Variants in C1orf146 observed in about 807,000 individuals in gnomAD.
The protein encoded by C1orf146 is protein SPO16 homolog.
Under a neutral mutation model 23.0 loss-of-function variants are expected in C1orf146, and 22 were observed. The ratio of observed to expected loss-of-function variants is 0.96; its 90% confidence interval spans 0.68 to 1.36. C1orf146 has a LOEUF of 1.36. Ranked by LOEUF, C1orf146 falls within the 40% of genes most tolerant of loss-of-function variation. The pLI is 0.00. For synonymous variants in C1orf146, 59 were observed against 65.3 expected, an observed-to-expected ratio of 0.90 and a Z score of 0.47; for missense variants, 199 against 206.8, an observed-to-expected ratio of 0.96 and a Z score of 0.23.
chr1:92,244,143 G>T, intron 3 of C1orf146, 74 bp from the exon 4 acceptor site: 1 of 1,034,396 alleles, frequency 9.7e-7, no homozygotes, highest in South Asian at 1.4e-5. Context: ...AGTTATTTTG[G>T]TTGATTTTGA....
At chr1:92,229,502 A>T (rs1379656800) in intron 1 of C1orf146, 1 of 439,070 alleles carries the variant, frequency 2.3e-6, no homozygotes, top group African/African-American at 2.1e-5. Flanking sequence ...CCTTGTCCCC[A>T]TTCTGGACCT....
chr1:92,245,658 CAGTTAACCCAAATT>C lies in C1orf146; in HGVS notation c.530_543del (p.Val177GlufsTer15). ...CAGAAGATAAAACTGAATAGTGATT[CAGTTAACCCAAATT>C]AGAGTACCAACTTAATGTTTTTCTC... On this transcript the variant is annotated frameshift_variant and stop_lost, in exon 6 of 6. Coordinates refer to ENST00000370375, the MANE Select transcript of C1orf146 (RefSeq NM_001012425.2). LOFTEE classifies it high-confidence loss of function. 6.3e-7 allele frequency: 1 copy of C among 1,578,058 alleles called. No homozygotes were observed. Among genetic ancestry groups the C allele is most frequent in the Non-Finnish European group, 8.6e-7 (1 of 1,167,530 alleles).
intron 3 of C1orf146, among the ~76,000 whole-genome samples, chr1:92,242,584 A>C (rs1570799052): frequency 6.6e-6 from 1 of 152,362 alleles, no homozygotes; most frequent in East Asian, 1.9e-4. Flanking sequence ...CACTTTCCCA[A>C]CAATCTATAC....
chr1:92,238,729 C>T lies in C1orf146; in HGVS notation c.67-3483C>T, dbSNP rs182222428. Among the ~76,000 whole-genome samples the T allele has an allele frequency of 1.6e-4, 24 of 152,140 alleles. 1 individual carries two copies. The highest frequency in any genetic ancestry group is 2.9e-5 in the Non-Finnish European group (2 of 67,998). On this transcript the variant is annotated intron_variant, in intron 2 of 5. Transcript: ENST00000370375. ...TGCTCATGATCTGCCTGCAGTTATT[C>T]CTAACATTGTACCCAAATTAGCTGA...
intron 1 of C1orf146, among the ~76,000 whole-genome samples, chr1:92,225,524 A>G (rs1267780378): frequency 6.6e-6 from 1 of 152,156 alleles, no homozygotes; most frequent in African/African-American, 2.4e-5. Context: ...AACATCCATT[A>G]TGATTTATTC....
At chr1:92,243,142 C>T (rs1182367078) in intron 3 of C1orf146, among the ~76,000 whole-genome samples, 3 of 152,120 alleles carry the variant, frequency 2.0e-5, no homozygotes, top group Non-Finnish European at 4.4e-5. Context: ...TCCCATGTTA[C>T]AGAAGAGGAA....
intron 1 of C1orf146, among the ~76,000 whole-genome samples, chr1:92,226,331 A>G (rs1651966934): frequency 6.6e-6 from 1 of 152,086 alleles, no homozygotes; most frequent in African/African-American, 2.4e-5. Context: ...TTCTGGAAAA[A>G]TAGAGAAACT....
rs1652115350 is a variant in C1orf146 at position 92,231,364 on chromosome 1, T to G, written c.-39-18T>G. 18 of 1,183,204 alleles carry G rather than the reference T, an allele frequency of 1.5e-5. No homozygotes were observed. The highest frequency in any genetic ancestry group is 2.0e-4 in the Middle Eastern group (1 of 5,054). The allele number at this position is 1,183,204 out of a possible 1,614,324, so 73.3% of individuals were successfully genotyped here. On this transcript the variant is annotated intron_variant, in intron 1 of 5. Transcript: ENST00000370375. ...ATCAGATATTTCTTTGCATTCTTTG[T>G]GTTCTTAATTTTCTCAGATTGTTGC...
intron 2 of C1orf146, among the ~76,000 whole-genome samples, chr1:92,238,149 G>A (rs557206730): frequency 7.9e-5 from 12 of 152,112 alleles, no homozygotes; most frequent in Admixed American, 3.3e-4. Context: ...GGCTGGTCTC[G>A]AACTCCGATC....
intron 1 of C1orf146, among the ~76,000 whole-genome samples, chr1:92,219,847 A>G (rs1375170636): frequency 6.6e-6 from 1 of 152,120 alleles, no homozygotes. Flanking sequence ...AGGTTGGAGT[A>G]TATATACATA....
rs1378165833 is a variant in C1orf146, at chr1:92,244,302, C to T, written c.246C>T (p.Asn82=). Residue 82 remains asparagine, a synonymous_variant, in exon 4 of 6, where the codon AAC becomes AAT. Coordinates refer to ENST00000370375, the MANE Select transcript of C1orf146 (RefSeq NM_001012425.2). ...IFLAKIEKFI[N]IHQNSFLVLS... ...TAGCCAAAATTGAGAAATTTATTAA[C>T]ATTCACCAAAATAGTTTTTTGGTTT... 1.2e-6 allele frequency: 2 copies of T among 1,610,238 alleles called. No homozygotes were observed. The highest frequency in any genetic ancestry group is 2.7e-5 in the African/African-American group (2 of 74,836).
At chr1:92,243,209 C>G (rs1652472164) in intron 3 of C1orf146, among the ~76,000 whole-genome samples, 1 of 152,142 alleles carries the variant, frequency 6.6e-6, no homozygotes, top group South Asian at 2.1e-4. Flanking sequence ...AGTGTATAAT[C>G]ACAATCATTT....
At position 92,237,068 on chromosome 1, in the gene C1orf146, C is replaced by G. The variant is rs558713797; in HGVS notation, c.67-5144C>G. 2.8e-4 allele frequency among the ~76,000 whole-genome samples: 43 copies of G among 152,098 alleles called. No individual in the cohort carries two copies. In the South Asian group the frequency reaches 6.4e-3, roughly 23 times the overall value. ...CTTTGGTTTGAATTTCCTCCTGTAGCTCGTAGTTTGATTGTCTGAAGCCTT... is the reference window on the plus strand; with the variant it reads ...CTTTGGTTTGAATTTCCTCCTGTAGGTCGTAGTTTGATTGTCTGAAGCCTT... On this transcript the variant is annotated intron_variant, in intron 2 of 5. Coordinates refer to ENST00000370375, the MANE Select transcript of C1orf146 (RefSeq NM_001012425.2).
At chr1:92,230,780 T>C (rs973029597) in intron 1 of C1orf146, among the ~76,000 whole-genome samples, 1 of 151,920 alleles carries the variant, frequency 6.6e-6, no homozygotes, top group Non-Finnish European at 1.5e-5. Context: ...TAAAAAAAAA[T>C]GCAAATATTC....
chr1:92,225,186 T>A (rs932102214), intron 1 of C1orf146, among the ~76,000 whole-genome samples: 26 of 148,156 alleles, frequency 1.8e-4, no homozygotes, highest in African/African-American at 6.2e-4. Context: ...GGAGCAGTCA[T>A]CTCAACCTCC....
chr1:92,222,077 A>T (rs1231874871), intron 1 of C1orf146, among the ~76,000 whole-genome samples: 1 of 152,080 alleles, frequency 6.6e-6, no homozygotes, highest in East Asian at 1.9e-4. Flanking sequence ...ATCTTAACTA[A>T]AAATACAAAA....
chr1:92,236,237 C>T (rs1179650268), intron 2 of C1orf146, among the ~76,000 whole-genome samples: 11 of 151,888 alleles, frequency 7.2e-5, no homozygotes, highest in African/African-American at 1.7e-4. Context: ...GATTTTGCAG[C>T]GGCTGGTACC....
chr1:92,227,892 TTTA>T (rs1652008557), intron 1 of C1orf146, among the ~76,000 whole-genome samples: 1 of 152,156 alleles, frequency 6.6e-6, no homozygotes, highest in Non-Finnish European at 1.5e-5. Context: ...TCTGTTCAGA[TTTA>T]TTATTGCTCT....
chr1:92,243,600 C>A (rs1652486264), intron 3 of C1orf146, among the ~76,000 whole-genome samples: 1 of 152,178 alleles, frequency 6.6e-6, no homozygotes, highest in Non-Finnish European at 1.5e-5. Context: ...CCACCTCGGC[C>A]TCCCAAAGTG....
Sources: gnomAD v4.1 joint callset for allele counts (sites outside exome capture counted in the v4.1 genomes callset) on GRCh38, gnomAD v4.1.1 for gene constraint, MANE v1.5 for transcripts, NCBI Gene and HGNC (gene_info 2026-07-23, HGNC 2026-07-21) for gene names.